AGRN: variants seen among roughly 807,000 people sequenced by gnomAD.
AGRN encodes agrin, also known as agrin proteoglycan.
In AGRN, 106 loss-of-function variants were observed where a neutral mutation model predicts 211.0. The observed-to-expected ratio is 0.50, with a 90% CI of 0.43 to 0.59. The LOEUF (loss-of-function observed/expected upper bound fraction) is 0.59, where lower values mean the gene tolerates loss of function less well. Among genes scored for constraint, AGRN ranks in the 20% least tolerant of loss-of-function variants. The pLI is 0.00. For synonymous variants in AGRN, 1,525 were observed against 1,332.5 expected, an observed-to-expected ratio of 1.14 and a Z score of -3.15; for missense variants, 3,040 against 2,982.6, an observed-to-expected ratio of 1.02 and a Z score of -0.45.
In AGRN at chr1:1,049,977, C is replaced by G; in HGVS notation, c.4819C>G (p.Pro1607Ala). The G allele has an allele frequency of 6.2e-7, 1 of 1,611,608 alleles. No individual in the cohort carries two copies. The highest frequency in any genetic ancestry group is 8.5e-7 in the Non-Finnish European group (1 of 1,179,666). The stretch of plus-strand genomic sequence containing the variant: ...TGGGGCGGCGCCCTGCCGTGTGCTG[C>G]CCGAGGGTGGTGCTCAGTGCGAGTG... The part of the protein sequence containing the change: ...CHGAAPCRVL[P>A]EGGAQCECPL... Residue 1607 changes from proline (P) to alanine (A), a missense_variant, in exon 27 of 36, where the codon CCC becomes GCC. Coordinates refer to ENST00000379370, the MANE Select transcript of AGRN (RefSeq NM_198576.4).
At chr1:1,050,111 G>A in intron 27 of AGRN, 74 bp downstream of exon 27, 3 of 1,579,130 alleles carry the variant, frequency 1.9e-6, no homozygotes, top group South Asian at 2.3e-5. Flanking sequence ...GTTCCAGGTA[G>A]CATTGCAGTT....
At chr1:1,054,366 T>C (rs1645395004) in intron 34 of AGRN, 82 bp from the exon 35 acceptor site, 3 of 1,266,464 alleles carry the variant, frequency 2.4e-6, no homozygotes, top group South Asian at 2.6e-5. Context: ...CTGCAGGGCA[T>C]AGGAAGGATG....
intron 1 of AGRN, 21 bp downstream of exon 1, chr1:1,020,394 GC>G: frequency 6.7e-7 from 1 of 1,488,514 alleles, no homozygotes; most frequent in Non-Finnish European, 8.9e-7. Flanking sequence ...CCGGACCCCG[GC>G]CTCCCCTCGC....
intron 2 of AGRN, among the ~76,000 whole-genome samples, chr1:1,029,152 C>T (rs1644590208): frequency 6.6e-6 from 1 of 152,112 alleles, no homozygotes; most frequent in African/African-American, 2.4e-5. Context: ...TGGGGCCTGC[C>T]AATTGCCAGA....
chr1:1,034,345 G>A, intron 2 of AGRN: 1 of 985,532 alleles, frequency 1.0e-6, no homozygotes, highest in Non-Finnish European at 1.2e-6. Flanking sequence ...TACTCCGGGA[G>A]AATTCTGCCC....
chr1:1,031,061 T>G lies in AGRN; in HGVS notation c.464-4216T>G, dbSNP rs527997499. On this transcript the variant is annotated intron_variant, in intron 2 of 35. Coordinates refer to ENST00000379370, the MANE Select transcript of AGRN (RefSeq NM_198576.4). This position sits in a 1 kb window ranked among gnomAD's most constrained non-coding sequence, Gnocchi z 4.8. ...GTGAGTGTATCAGCATGTGTGTGTG[T>G]GCAGTGCATGGTGCTGTGAGTGTGA... Among the ~76,000 whole-genome samples the G allele has an allele frequency of 7.4e-6, 1 of 135,772 alleles. No individual in the cohort carries two copies. The highest frequency in any genetic ancestry group is 2.3e-4 in the East Asian group (1 of 4,316). The allele number at this position is 135,772 out of a possible 152,430, so 89.1% of individuals were successfully genotyped here.
chr1:1,037,759 G>A (rs1389193841), intron 3 of AGRN, among the ~76,000 whole-genome samples: 1 of 152,212 alleles, frequency 6.6e-6, no homozygotes, highest in East Asian at 1.9e-4. Flanking sequence ...ATGTGTCTGA[G>A]CCCAGTGCTG....
intron 12 of AGRN, among the ~76,000 whole-genome samples, 167 bp downstream of exon 12, chr1:1,044,606 C>T (rs567246650): frequency 5.6e-4 from 85 of 152,210 alleles, no homozygotes; most frequent in Non-Finnish European, 1.2e-4. Context: ...TGTGCAGCTG[C>T]GTGTGTGGGC....
chr1:1,023,020 A>G (rs1214568397), intron 2 of AGRN, among the ~76,000 whole-genome samples: 1 of 152,096 alleles, frequency 6.6e-6, no homozygotes, highest in Admixed American at 6.5e-5. Flanking sequence ...TGGGGGCAGA[A>G]ATCCCATGGC....
At chr1:1,034,255 G>A in intron 2 of AGRN, 3 of 985,414 alleles carry the variant, frequency 3.0e-6, no homozygotes, top group Non-Finnish European at 3.6e-6. Flanking sequence ...CGGCCAGCCC[G>A]GGGAGGCTGT....
At chr1:1,047,266 C>T in intron 19 of AGRN, 61 bp from the exon 20 acceptor site, 2 of 1,543,686 alleles carry the variant, frequency 1.3e-6, no homozygotes, top group Non-Finnish European at 1.7e-6. Context: ...GGGGCCTGTG[C>T]CTGGGCCAGC....
Position 1,044,106 on chromosome 1 carries a change from C to A in AGRN, c.2000-3C>A, listed in dbSNP as rs1482064528. ...TGGGTGACTCTGCTCCCCTTCCCCGCAGCCGAGTGCGGTTCCGGAGGCTCT... is the reference window on the plus strand; with the variant it reads ...TGGGTGACTCTGCTCCCCTTCCCCGAAGCCGAGTGCGGTTCCGGAGGCTCT... On this transcript the variant is annotated splice_polypyrimidine_tract_variant and splice_region_variant and intron_variant, in intron 10 of 35. Transcript: ENST00000379370. The A allele has an allele frequency of 6.2e-7, 1 of 1,613,162 alleles. No homozygotes were observed. The highest frequency in any genetic ancestry group is 8.5e-7 in the Non-Finnish European group (1 of 1,179,942).
chr1:1,053,367 G>T (rs543391775), intron 33 of AGRN: 1 of 1,149,862 alleles, frequency 8.7e-7, no homozygotes, highest in Non-Finnish European at 1.1e-6. Flanking sequence ...TCTTCTGTGG[G>T]TGCCTGCTCC....
At chr1:1,022,167 G>A (rs1644419718) in intron 1 of AGRN, 34 bp from the exon 2 acceptor site, 3 of 1,612,718 alleles carry the variant, frequency 1.9e-6, no homozygotes, top group South Asian at 1.1e-5. Flanking sequence ...CCCCAGGAGA[G>A]GACTAATGAC....
Position 1,054,547 on chromosome 1 carries a change from G to C in AGRN, c.5976G>C (p.Trp1992Cys), listed in dbSNP as rs776480996. ...AGCTGGACACTGATGGAGCCCTGTG[G>C]CTTGGTGAGTGTTTTGGGGAGACTA... ...ATQLDTDGAL[W>C]LGGLPELPVG... is the part of the protein sequence containing the mutation. Residue 1992 changes from tryptophan to cysteine, a missense_variant, in exon 35 of 36, where the codon TGG becomes TGC. Physicochemically the swap from Trp to Cys is radical, Grantham distance 215. This residue lies in a region of AGRN where 1,537 missense variants were observed against 1,505.0 expected (regional missense o/e 1.02). Transcript: ENST00000379370. The C allele has an allele frequency of 3.8e-6, 6 of 1,591,368 alleles. No homozygotes were observed. The highest frequency in any genetic ancestry group is 2.3e-5 in the South Asian group (2 of 87,626).
chr1:1,021,472 C>T (rs9777931), intron 1 of AGRN, among the ~76,000 whole-genome samples: 74,652 of 152,170 alleles, frequency 0.49, 19,712 homozygotes, highest in East Asian at 0.74. Flanking sequence ...CAACCATTGT[C>T]TCTCCCCCCA....
Position 1,048,991 on chromosome 1 carries a change from G to A in AGRN, c.4230G>A (p.Leu1410=), listed in dbSNP as rs1318500209. The change falls in exon 24 of 36, where the codon CTG becomes CTA. Residue 1410 remains leucine, a synonymous_variant. Coordinates refer to ENST00000379370, the MANE Select transcript of AGRN (RefSeq NM_198576.4). The surrounding 1 kb of genome is among the most constrained non-coding windows in gnomAD (Gnocchi z 5.9). The stretch of plus-strand genomic sequence containing the variant: ...CGCTGGAGCCTCAGGGGCTGCTGCT[G>A]TACAATGGCAACGCCCGGGGCAAGG... ...FRALEPQGLL[L]YNGNARGKDF... is the part of the protein sequence containing the mutation. The A allele has an allele frequency of 3.2e-6, 5 of 1,581,182 alleles. No individual in the cohort carries two copies.
chr1:1,037,102 C>G (rs1160759278), intron 3 of AGRN, among the ~76,000 whole-genome samples: 1 of 152,150 alleles, frequency 6.6e-6, no homozygotes, highest in Non-Finnish European at 1.5e-5. Flanking sequence ...CTGAACCCTC[C>G]CAGTGGGCTG....
In AGRN at chr1:1,046,478, C is replaced by G. The variant is rs200807722; in HGVS notation, c.2993C>G (p.Pro998Arg). The G allele has an allele frequency of 6.2e-7, 1 of 1,611,108 alleles. No homozygotes were observed. The highest frequency in any genetic ancestry group is 8.5e-7 in the Non-Finnish European group (1 of 1,179,070). Residue 998 changes from proline to arginine, a missense_variant, in exon 18 of 36, where the codon CCG becomes CGG. Around this residue, in one of 3 missense-constraint regions of AGRN, gnomAD observed 1,537 missense variants for 1,505.0 expected, o/e 1.02. Transcript: ENST00000379370. ...GGGCTCCTCCTGAGCCAGGCACTGC[C>G]GGCCCCCCCCGGCGCCCTCCCCCTG... is the stretch of plus-strand genomic sequence containing the variant. ...TPGLLLSQAL[P>R]APPGALPLAP...
Sources: allele counts gnomAD v4.1 joint callset (sites outside exome capture counted in the v4.1 genomes callset), GRCh38; gene constraint gnomAD v4.1.1; regional missense constraint gnomAD v4.1.1; non-coding constraint Gnocchi (gnomAD v3.1); transcripts MANE v1.5; gene names NCBI Gene and HGNC (gene_info 2026-07-23, HGNC 2026-07-21).